The following CELF4 variants were observed in gnomAD, a reference collection of about 807,000 sequenced individuals.
The protein encoded by CELF4 is CUG-BP- and ETR-3-like factor 4.
Under a neutral mutation model 59.9 loss-of-function variants are expected in CELF4, and 18 were observed. The ratio of observed to expected loss-of-function variants is 0.30; its 90% CI spans 0.21 to 0.45. The LOEUF (loss-of-function observed/expected upper bound fraction) is 0.45. Among genes scored for constraint, CELF4 ranks in the 20% least tolerant of loss-of-function variants. The pLI, the probability that CELF4 is intolerant of heterozygous loss-of-function variation, is 1.00. For synonymous variants in CELF4, 261 were observed against 267.1 expected (o/e 0.98, Z 0.22); for missense variants, 456 against 689.0 (o/e 0.66, Z 3.79).
chr18:37,537,055 G>A (rs914781179), intron 1 of CELF4, among the ~76,000 whole-genome samples: 4 of 152,126 alleles, frequency 2.6e-5, no homozygotes, highest in Admixed American at 2.0e-4. Context: ...TGGCTTTCCC[G>A]ACCCTTCTGG....
intron 2 of CELF4, among the ~76,000 whole-genome samples, chr18:37,411,211 C>T (rs1254874731): frequency 6.6e-6 from 1 of 152,222 alleles, no homozygotes; most frequent in African/African-American, 2.4e-5. Context: ...CCACCTTGGC[C>T]TCCCAAAGTG....
chr18:37,311,871 G>A (rs1273499061), intron 3 of CELF4, among the ~76,000 whole-genome samples: 2 of 151,354 alleles, frequency 1.3e-5, no homozygotes, highest in East Asian at 3.9e-4. Flanking sequence ...CAGCACTTTG[G>A]GAGGCCGAGG....
chr18:37,365,423 G>A (rs914439893), intron 2 of CELF4, among the ~76,000 whole-genome samples: 5 of 95,998 alleles, frequency 5.2e-5, no homozygotes, highest in African/African-American at 1.3e-4. Flanking sequence ...GCTGGGGTGG[G>A]ACCTGGATGA....
intron 2 of CELF4, among the ~76,000 whole-genome samples, chr18:37,456,684 G>C (rs1051294449): frequency 7.2e-5 from 11 of 152,180 alleles, no homozygotes; most frequent in African/African-American, 2.7e-4. Context: ...AGGCCCAGGT[G>C]ATCAGGTGAT....
intron 2 of CELF4, among the ~76,000 whole-genome samples, chr18:37,349,492 T>G (rs1246044673): frequency 6.6e-6 from 1 of 152,170 alleles, no homozygotes; most frequent in Non-Finnish European, 1.5e-5. Flanking sequence ...CAGGACAGAT[T>G]ATGGCAGGCC....
At chr18:37,249,046 C>T (rs540429614) in intron 12 of CELF4, among the ~76,000 whole-genome samples, 100 of 152,296 alleles carry the variant, frequency 6.6e-4, no homozygotes, top group South Asian at 2.7e-3. Context: ...GCCTCCAGCT[C>T]AACCTTCACA....
intron 2 of CELF4, among the ~76,000 whole-genome samples, chr18:37,479,128 A>G (rs1325675205): frequency 2.0e-5 from 3 of 152,178 alleles, no homozygotes; most frequent in Non-Finnish European, 4.4e-5. Flanking sequence ...GCAGGCGACA[A>G]ATGATCCTTA....
At chr18:37,511,667 G>A (rs981878772) in intron 1 of CELF4, among the ~76,000 whole-genome samples, 1 of 151,808 alleles carries the variant, frequency 6.6e-6, no homozygotes, top group African/African-American at 2.4e-5. Flanking sequence ...AGCACTTAGC[G>A]CTCAGTCAAC....
chr18:37,296,345 G>A (rs1392320819), intron 3 of CELF4, among the ~76,000 whole-genome samples: 3 of 152,110 alleles, frequency 2.0e-5, no homozygotes, highest in African/African-American at 4.8e-5. Context: ...ACAGGTGCAT[G>A]CCACCATGCC....
chr18:37,485,611 G>T lies in CELF4; in HGVS notation c.287-4C>A. The T allele has an allele frequency of 6.9e-7, 1 of 1,446,750 alleles. No homozygotes were observed. Among genetic ancestry groups the T allele is most frequent in the Non-Finnish European group, 9.2e-7 (1 of 1,086,840 alleles). The allele number at this position is 1,446,750 out of a possible 1,614,324, so 89.6% of individuals were successfully genotyped here. ...CAGTAGGTGAGGAAGGCGCAGCCTG[G>T]GGAGGAAAGCAAGCGCCAAGAAGGG... On this transcript the variant is annotated splice_region_variant and splice_polypyrimidine_tract_variant and intron_variant, in intron 1 of 12. Coordinates refer to ENST00000420428, the MANE Select transcript of CELF4 (RefSeq NM_020180.4).
At chr18:37,484,047 T>C (rs1033622239) in intron 2 of CELF4, among the ~76,000 whole-genome samples, 25 of 152,166 alleles carry the variant, frequency 1.6e-4, no homozygotes, top group Non-Finnish European at 3.4e-4. Flanking sequence ...ACCTTCTCTC[T>C]TTCTGTTTCC....
In CELF4 at chr18:37,358,373, G is replaced by A. The variant is rs140553605; in HGVS notation, c.370-36492C>T. Among the ~76,000 whole-genome samples, 41 of 152,282 alleles carry A rather than the reference G, an allele frequency of 2.7e-4. No individual in the cohort carries two copies. In the East Asian group the frequency reaches 6.8e-3, roughly 25 times the overall value. On this transcript the variant is annotated intron_variant, in intron 2 of 12. Coordinates refer to ENST00000420428, the MANE Select transcript of CELF4 (RefSeq NM_020180.4). The stretch of plus-strand genomic sequence containing the variant: ...TGTGACTTGCTTCGCCTTGCCTTCC[G>A]CCATGATTGTGAGGCTTCCCCAGCC...
chr18:37,390,226 A>T (rs1374116456), intron 2 of CELF4, among the ~76,000 whole-genome samples: 1 of 151,980 alleles, frequency 6.6e-6, no homozygotes, highest in Non-Finnish European at 1.5e-5. Flanking sequence ...CGCCTGAAGG[A>T]GTGTGGCTGC....
At chr18:37,347,740 C>T (rs2098315328) in intron 2 of CELF4, among the ~76,000 whole-genome samples, 1 of 152,134 alleles carries the variant, frequency 6.6e-6, no homozygotes, top group Non-Finnish European at 1.5e-5. Flanking sequence ...GACTTGGGTA[C>T]ACAGGGGGCA....
At chr18:37,401,687 C>T (rs1355515391) in intron 2 of CELF4, among the ~76,000 whole-genome samples, 2 of 152,220 alleles carry the variant, frequency 1.3e-5, no homozygotes, top group Non-Finnish European at 1.5e-5. Flanking sequence ...TCTGAGACTT[C>T]CCTGACACCA....
intron 1 of CELF4, among the ~76,000 whole-genome samples, chr18:37,508,301 G>T (rs950957641): frequency 2.6e-5 from 4 of 152,204 alleles, no homozygotes; most frequent in Non-Finnish European, 4.4e-5. Context: ...GTCATCATCA[G>T]TCTGGAATCA....
intron 2 of CELF4, among the ~76,000 whole-genome samples, chr18:37,338,789 TGTGTG>T (rs1490979681): frequency 6.6e-6 from 1 of 151,012 alleles, no homozygotes; most frequent in African/African-American, 2.5e-5. Flanking sequence ...TGTGTGTGTG[TGTGTG>T]GTGTGTGTGA....
chr18:37,461,775 C>T (rs542805701), intron 2 of CELF4, among the ~76,000 whole-genome samples: 4 of 152,320 alleles, frequency 2.6e-5, no homozygotes, highest in Admixed American at 1.3e-4. Context: ...CTCGTCTTGG[C>T]AGCCCTGCAA....
chr18:37,510,616 C>A (rs2099943155), intron 1 of CELF4, among the ~76,000 whole-genome samples: 1 of 152,230 alleles, frequency 6.6e-6, no homozygotes, highest in South Asian at 2.1e-4. Flanking sequence ...TGGCCCTTGC[C>A]CCGCCTTTCT....
Sources: gnomAD v4.1 joint callset for allele counts (sites outside exome capture counted in the v4.1 genomes callset) on GRCh38, gnomAD v4.1.1 for gene constraint, MANE v1.5 for transcripts, NCBI Gene and HGNC (gene_info 2026-07-23, HGNC 2026-07-21) for gene names.